CD226: variants seen among roughly 807,000 people sequenced by gnomAD.
The protein encoded by CD226 is CD226 molecule.
CD226 carries 24 observed loss-of-function variants against 34.9 expected under a neutral mutation model. The observed-to-expected ratio is 0.69, with a 90% confidence interval of 0.50 to 0.97. CD226 has a LOEUF of 0.97. Among genes scored for constraint, CD226 ranks in the 50% least tolerant of loss-of-function variants. The probability of loss-of-function intolerance (pLI) is 0.00; values close to 1 mark genes in which losing one functional copy is unlikely to be tolerated. For missense variants in CD226, 397 were observed against 412.7 expected, an observed-to-expected ratio of 0.96 and a Z score of 0.33; for synonymous variants, 148 against 147.4, an observed-to-expected ratio of 1.00 and a Z score of -0.03.
In CD226 at chr18:69,855,657, C is replaced by T. The variant is rs1982590381; in HGVS notation, c.*8657G>A. On this transcript the variant is annotated 3_prime_UTR_variant, in exon 6 of 6. Coordinates refer to ENST00000582621, the MANE Select transcript of CD226 (RefSeq NM_001303618.2). ...AAAAAGAGGGGAAAAGGAGAAAAACCTAGGTTGATCAATGAAAGATATGCC... is the reference window on the plus strand; with the variant it reads ...AAAAAGAGGGGAAAAGGAGAAAAACTTAGGTTGATCAATGAAAGATATGCC... 6.6e-6 allele frequency: 1 copy of T among 151,698 alleles called. No individual in the cohort carries two copies. Among genetic ancestry groups the T allele is most frequent in the Non-Finnish European group, 1.5e-5 (1 of 67,916 alleles). 9.4% of individuals were successfully genotyped at this position (151,698 alleles called of 1,614,324 possible). A position where few individuals can be genotyped will look rare whatever the true frequency, so the allele number is the denominator to read the frequency against.
chr18:69,881,103 T>C (rs1984231781), intron 3 of CD226, among the ~76,000 whole-genome samples: 2 of 152,216 alleles, frequency 1.3e-5, no homozygotes, highest in African/African-American at 2.4e-5. Context: ...CACTCTACAT[T>C]GTATACATAT....
At chr18:69,903,000 G>A (rs1300745415) in intron 2 of CD226, among the ~76,000 whole-genome samples, 2 of 152,126 alleles carry the variant, frequency 1.3e-5, no homozygotes, top group Non-Finnish European at 2.9e-5. Flanking sequence ...GTCTCCTAAA[G>A]TGCCTGAGAT....
intron 2 of CD226, among the ~76,000 whole-genome samples, chr18:69,940,529 T>G (rs57219683): frequency 0.086 from 13,071 of 151,930 alleles, 922 homozygotes; most frequent in African/African-American, 0.24. Flanking sequence ...GCTGAGGTGG[T>G]CTCAGATGGA....
intron 3 of CD226, among the ~76,000 whole-genome samples, chr18:69,886,703 C>G (rs1984577256): frequency 7.1e-6 from 1 of 140,762 alleles, no homozygotes; most frequent in Non-Finnish European, 1.5e-5. Flanking sequence ...GAGAACCTGT[C>G]TCAAAAAAAA....
upstream of CD226, among the ~76,000 whole-genome samples, chr18:69,960,316 T>C (rs1470554993): frequency 6.6e-6 from 1 of 150,564 alleles, no homozygotes; most frequent in Non-Finnish European, 1.5e-5. Context: ...TAAAGGACAC[T>C]ACGAGACCAC....
chr18:69,915,028 G>T (rs1315783346), intron 2 of CD226, among the ~76,000 whole-genome samples: 1 of 152,138 alleles, frequency 6.6e-6, no homozygotes, highest in Non-Finnish European at 1.5e-5. Flanking sequence ...GCCATTCAGG[G>T]TAATCACATC....
intron 2 of CD226, among the ~76,000 whole-genome samples, chr18:69,929,179 G>A (rs941763963): frequency 6.6e-6 from 1 of 152,208 alleles, no homozygotes; most frequent in Non-Finnish European, 1.5e-5. Flanking sequence ...GAAAACTTAT[G>A]GCAGTATTAA....
chr18:69,958,464 C>T (rs187983733), upstream of CD226, among the ~76,000 whole-genome samples: 1 of 152,220 alleles, frequency 6.6e-6, no homozygotes, highest in Non-Finnish European at 1.5e-5. Flanking sequence ...ACAGTCTTGA[C>T]CCAAAACACC....
At chr18:69,908,440 G>A (rs539672034) in intron 2 of CD226, among the ~76,000 whole-genome samples, 2 of 152,232 alleles carry the variant, frequency 1.3e-5, no homozygotes, top group African/African-American at 4.8e-5. Flanking sequence ...ACATCTGTAG[G>A]AGTTAAGCAC....
intron 2 of CD226, among the ~76,000 whole-genome samples, chr18:69,939,085 C>T (rs1362043631): frequency 6.6e-6 from 1 of 151,768 alleles, no homozygotes; most frequent in African/African-American, 2.4e-5. Context: ...GACTCTGTCT[C>T]AAAAAAGGAA....
intron 2 of CD226, among the ~76,000 whole-genome samples, chr18:69,903,747 T>C (rs2055216001): frequency 6.6e-6 from 1 of 152,000 alleles, no homozygotes; most frequent in Non-Finnish European, 1.5e-5. Flanking sequence ...TTGCCAGAAA[T>C]TGCCAGAAGC....
intron 5 of CD226, among the ~76,000 whole-genome samples, chr18:69,864,832 T>C (rs1983036996): frequency 6.6e-6 from 1 of 152,232 alleles, no homozygotes; most frequent in Non-Finnish European, 1.5e-5. Flanking sequence ...GATGATATTG[T>C]ATAATCATTA....
At chr18:69,869,048 T>C (rs1983336335) in intron 4 of CD226, among the ~76,000 whole-genome samples, 1 of 152,206 alleles carries the variant, frequency 6.6e-6, no homozygotes, top group South Asian at 2.1e-4. Context: ...ACTTTTACGC[T>C]GTTGGTGGGA....
chr18:69,908,788 C>T (rs890147354), intron 2 of CD226, among the ~76,000 whole-genome samples: 12 of 152,232 alleles, frequency 7.9e-5, no homozygotes, highest in Non-Finnish European at 1.6e-4. Context: ...TGTCTCCATT[C>T]TCATCTCCTA....
intron 3 of CD226, among the ~76,000 whole-genome samples, chr18:69,883,788 T>A (rs1289721067): frequency 6.6e-6 from 1 of 152,236 alleles, no homozygotes; most frequent in African/African-American, 2.4e-5. Context: ...CATCTTAAAA[T>A]GAGCCATCAG....
intron 3 of CD226, among the ~76,000 whole-genome samples, chr18:69,882,307 T>C (rs143054045): frequency 5.5e-4 from 84 of 152,328 alleles, no homozygotes; most frequent in African/African-American, 1.7e-3. Flanking sequence ...TTAAACACTT[T>C]AAAGGTTTAT....
rs1047845154 is a variant in CD226, at chr18:69,946,625, T to C, written c.382+109A>G. On this transcript the variant is annotated intron_variant, in intron 2 of 5. Transcript: ENST00000582621. ...AGCATCTAGAAATGGAATTGGAGAA[T>C]GCCACAGAAATACGAGAAGACATTC... 1.1e-5 allele frequency: 8 copies of C among 734,000 alleles called. No homozygotes were observed. The African/African-American group carries it at 1.4e-4, about 13-fold the overall frequency. 45.5% of individuals were successfully genotyped at this position (734,000 alleles called of 1,614,324 possible). A position where few individuals can be genotyped will look rare whatever the true frequency, so the allele number is the denominator to read the frequency against.
chr18:69,918,165 G>C (rs183210938), intron 2 of CD226, among the ~76,000 whole-genome samples: 1 of 152,188 alleles, frequency 6.6e-6, no homozygotes, highest in Non-Finnish European at 1.5e-5. Flanking sequence ...GACCCATCAC[G>C]TCCCTGAAAG....
At chr18:69,930,352 A>C (rs959791009) in intron 2 of CD226, among the ~76,000 whole-genome samples, 3 of 152,228 alleles carry the variant, frequency 2.0e-5, no homozygotes, top group African/African-American at 7.2e-5. Context: ...GACTCAAATG[A>C]GAAAGACTGG....
Sources: gnomAD v4.1 joint callset for allele counts (sites outside exome capture counted in the v4.1 genomes callset) on GRCh38, gnomAD v4.1.1 for gene constraint, MANE v1.5 for transcripts, NCBI Gene and HGNC (gene_info 2026-07-23, HGNC 2026-07-21) for gene names.